TNRC18: variants seen among roughly 807,000 people sequenced by gnomAD.
The protein encoded by TNRC18 is trinucleotide repeat containing 18.
TNRC18 carries 69 observed loss-of-function variants against 226.7 expected under a neutral mutation model. The ratio of observed to expected loss-of-function variants is 0.30; its 90% CI spans 0.25 to 0.37. The LOEUF (loss-of-function observed/expected upper bound fraction) is 0.37, where lower values mean the gene tolerates loss of function less well. Ranked by LOEUF, TNRC18 falls within the 10% of genes least tolerant of loss-of-function variation. The probability of loss-of-function intolerance (pLI) is 1.00; values close to 1 mark genes in which losing one functional copy is unlikely to be tolerated. For missense variants in TNRC18, 4,754 were observed against 4,256.6 expected (o/e 1.12, Z -3.25); for synonymous variants, 2,449 against 1,927.6 (o/e 1.27, Z -7.09).
At chr7:5,316,274 C>CTTTTTTTTTTTT (rs1278896095) in intron 24 of TNRC18, among the ~76,000 whole-genome samples, 4 of 86,534 alleles carry the variant, frequency 4.6e-5, no homozygotes, top group East Asian at 3.8e-4. Context: ...AGAAATGGGT[C>CTTTTTTTTTTTT]TTTTTTTTTT....
chr7:5,377,320 C>CCCCCCA lies in TNRC18; in HGVS notation c.2461+50_2461+51insTGGGGG. The CCCCCCA allele has an allele frequency of 9.5e-7, 1 of 1,049,590 alleles. No individual in the cohort carries two copies. Among genetic ancestry groups the CCCCCCA allele is most frequent in the Non-Finnish European group, 1.4e-6 (1 of 723,708 alleles). The allele number at this position is 1,049,590 out of a possible 1,614,324, so 65.0% of individuals were successfully genotyped here. On this transcript the variant is annotated intron_variant, in intron 7 of 29. Coordinates refer to ENST00000430969, the MANE Select transcript of TNRC18 (RefSeq NM_001080495.3). The surrounding 1 kb of genome is among the most constrained non-coding windows in gnomAD (Gnocchi z 5.8). ...CTGAGCTCTTGTCCTGCACCCGCCC[C>CCCCCCA]CTCCCACCCCTCCCTCAGAGAAGGG...
At chr7:5,399,854 C>CCCCCCG (rs1181339944) in intron 2 of TNRC18, among the ~76,000 whole-genome samples, 2 of 151,358 alleles carry the variant, frequency 1.3e-5, no homozygotes, top group Non-Finnish European at 2.9e-5. Flanking sequence ...GCGAAAACCA[C>CCCCCCG]CCCCCGCCCC....
chr7:5,406,331 C>T (rs554557516), intron 2 of TNRC18, among the ~76,000 whole-genome samples: 6 of 152,030 alleles, frequency 3.9e-5, no homozygotes, highest in Non-Finnish European at 7.4e-5. Context: ...ATTGTGGTGG[C>T]GGCACCTGTA....
intron 5 of TNRC18, 118 bp from the exon 6 acceptor site, chr7:5,378,142 C>T: frequency 1.4e-6 from 1 of 732,542 alleles, no homozygotes; most frequent in Non-Finnish European, 2.3e-6. Flanking sequence ...TCCTGCACAG[C>T]CATCCGTGTA....
At position 5,332,658 on chromosome 7, in the gene TNRC18, G is replaced by T. The variant is rs752713362; in HGVS notation, c.6111C>A (p.Asp2037Glu). 1.3e-6 allele frequency: 2 copies of T among 1,530,952 alleles called. No individual in the cohort carries two copies. Among genetic ancestry groups the T allele is most frequent in the South Asian group, 1.2e-5 (1 of 82,336 alleles). 94.8% of individuals were successfully genotyped at this position (1,530,952 alleles called of 1,614,324 possible). ...CCTTCCTGTCCTTTGCACGCCCGGC[G>T]TCCTTGCGCGGGCTCAGGGGGCCGC... Reference protein sequence around the residue: ...AKGGPLSPRKDAGRAKDRKDP... With the variant: ...AKGGPLSPRKEAGRAKDRKDP... Residue 2037 changes from aspartate (D) to glutamate (E), a missense_variant, in exon 19 of 30, where the codon GAC becomes GAA. Physicochemically the swap from Asp to Glu is conservative, Grantham distance 45. Coordinates refer to ENST00000430969, the MANE Select transcript of TNRC18 (RefSeq NM_001080495.3).
Position 5,374,150 on chromosome 7 carries a change from A to G in TNRC18, c.3134T>C (p.Ile1045Thr). The G allele has an allele frequency of 7.4e-7, 1 of 1,349,662 alleles. No individual in the cohort carries two copies. The highest frequency in any genetic ancestry group is 9.6e-7 in the Non-Finnish European group (1 of 1,040,748). 83.6% of individuals were successfully genotyped at this position (1,349,662 alleles called of 1,614,324 possible). The change falls in exon 10 of 30, where the codon ATC (isoleucine) becomes ACC (threonine). Residue 1045 changes from isoleucine (I) to threonine (T), a missense_variant. By Grantham distance (89) the Ile-to-Thr change is moderately conservative. Coordinates refer to ENST00000430969, the MANE Select transcript of TNRC18 (RefSeq NM_001080495.3). ...PPASPPPTPG[I>T]TRKEEAPENV... The stretch of plus-strand genomic sequence containing the variant: ...CTCGGGAGCCTCCTCCTTGCGGGTG[A>G]TACCCGGGGTGGGCGGTGGGGAGGC...
chr7:5,348,332 G>C (rs1791421902), intron 17 of TNRC18, among the ~76,000 whole-genome samples: 1 of 152,178 alleles, frequency 6.6e-6, no homozygotes. Context: ...AGTGACTCTA[G>C]GGGCCGCAGG....
chr7:5,359,627 G>C, intron 14 of TNRC18, 58 bp from the exon 15 acceptor site: 2 of 1,604,036 alleles, frequency 1.2e-6, no homozygotes, highest in Non-Finnish European at 8.5e-7. Context: ...CGCAGGCTGA[G>C]GTCCACCCTC....
At chr7:5,384,507 C>G (rs1474147370) in intron 5 of TNRC18, among the ~76,000 whole-genome samples, 1 of 151,724 alleles carries the variant, frequency 6.6e-6, no homozygotes, top group Non-Finnish European at 1.5e-5. Flanking sequence ...CTCCCTCCCT[C>G]CCTCACATTC....
intron 18 of TNRC18, among the ~76,000 whole-genome samples, chr7:5,341,418 CA>C (rs35407523): frequency 0.61 from 51,863 of 85,088 alleles, 14,208 homozygotes; most frequent in African/African-American, 0.74. Flanking sequence ...GACTCCATCT[CA>C]AAAAAAAAAA....
intron 5 of TNRC18, among the ~76,000 whole-genome samples, chr7:5,378,568 A>G (rs558146110): frequency 1.2e-4 from 18 of 151,454 alleles, no homozygotes; most frequent in Non-Finnish European, 1.6e-4. Flanking sequence ...ACAGGTGCCC[A>G]CCACCACGCC....
At chr7:5,350,043 G>C (rs74782080) in intron 17 of TNRC18, among the ~76,000 whole-genome samples, 8,825 of 152,220 alleles carry the variant, frequency 0.058, 385 homozygotes, top group East Asian at 0.18. Flanking sequence ...TGGGGTCTCA[G>C]CTGGGGCAGG....
chr7:5,372,234 A>ATT (rs754751204), intron 10 of TNRC18, among the ~76,000 whole-genome samples: 2 of 141,632 alleles, frequency 1.4e-5, no homozygotes, highest in Non-Finnish European at 1.5e-5. Context: ...TGCCTGGCTA[A>ATT]TTTTTTTTTT....
At chr7:5,345,517 G>GGGGGGCCCCCCCCCCCCCCCCCCCCCC in intron 18 of TNRC18, 45 bp downstream of exon 18, 1 of 377,742 alleles carries the variant, frequency 2.6e-6, no homozygotes, top group Non-Finnish European at 4.8e-6. Context: ...AATGGCGTCC[G>GGGGGGCCCCCCCCCCCCCCCCCCCCCC]CCCCTCCCAC....
chr7:5,339,943 ATC>A (rs1302088924), intron 18 of TNRC18, among the ~76,000 whole-genome samples: 2 of 151,982 alleles, frequency 1.3e-5, no homozygotes, highest in African/African-American at 4.8e-5. Context: ...GGCCTTCCTC[ATC>A]TCTCTCCCTC....
chr7:5,345,179 G>A (rs1250593304), intron 18 of TNRC18, among the ~76,000 whole-genome samples: 2 of 152,110 alleles, frequency 1.3e-5, no homozygotes, highest in South Asian at 2.1e-4. Flanking sequence ...CCTGTGTCTC[G>A]GGTAACCCCA....
chr7:5,394,627 A>T lies in TNRC18; in HGVS notation c.188-32T>A. 6.6e-7 allele frequency: 1 copy of T among 1,524,644 alleles called. No individual in the cohort carries two copies. Among genetic ancestry groups the T allele is most frequent in the Non-Finnish European group, 8.8e-7 (1 of 1,135,556 alleles). The allele number at this position is 1,524,644 out of a possible 1,614,324, so 94.4% of individuals were successfully genotyped here. On this transcript the variant is annotated intron_variant, in intron 2 of 29. Coordinates refer to ENST00000430969, the MANE Select transcript of TNRC18 (RefSeq NM_001080495.3). The surrounding 1 kb of genome is among the most constrained non-coding windows in gnomAD (Gnocchi z 4.5). The stretch of plus-strand genomic sequence containing the variant: ...AGAGAAGTTGGGAGGACCGTCAGGC[A>T]GACAACCAGGGAGGCGCCGCCGCCC...
At chr7:5,404,608 G>T (rs552959368) in intron 2 of TNRC18, among the ~76,000 whole-genome samples, 7 of 152,080 alleles carry the variant, frequency 4.6e-5, no homozygotes, top group Admixed American at 3.9e-4. Flanking sequence ...AATCCGCAAG[G>T]CTTACCGAGG....
intron 2 of TNRC18, among the ~76,000 whole-genome samples, chr7:5,410,621 T>C (rs1781776933): frequency 6.6e-6 from 1 of 151,816 alleles, no homozygotes; most frequent in Admixed American, 6.6e-5. Context: ...ATCTCAGCAC[T>C]CTGGGAGACC....
Sources: allele counts gnomAD v4.1 joint callset (sites outside exome capture counted in the v4.1 genomes callset), GRCh38; gene constraint gnomAD v4.1.1; non-coding constraint Gnocchi (gnomAD v3.1); transcripts MANE v1.5; gene names NCBI Gene and HGNC (gene_info 2026-07-23, HGNC 2026-07-21).